Variants in GPC6 observed in about 807,000 individuals in gnomAD.
GPC6 encodes the protein glypican-6.
A neutral mutation model predicts 55.2 loss-of-function variants in GPC6; 14 were observed. That is an observed-to-expected ratio of 0.25 (90% CI 0.17 to 0.40). The LOEUF (loss-of-function observed/expected upper bound fraction) is 0.40, where lower values mean the gene tolerates loss of function less well. GPC6 is among the 10% of genes least tolerant of loss of function. The pLI is 1.00. For synonymous variants in GPC6, 278 were observed against 259.6 expected (o/e 1.07, Z -0.68); for missense variants, 641 against 708.5 (o/e 0.90, Z 1.08).
At chr13:93,517,191 C>G (rs1881237071) in intron 1 of GPC6, among the ~76,000 whole-genome samples, 1 of 152,050 alleles carries the variant, frequency 6.6e-6, no homozygotes, top group Non-Finnish European at 1.5e-5. Context: ...TACCTTGTGT[C>G]TCAGAAACAC....
intron 1 of GPC6, among the ~76,000 whole-genome samples, chr13:93,520,695 A>G (rs1881380143): frequency 6.6e-6 from 1 of 151,978 alleles, no homozygotes; most frequent in East Asian, 1.9e-4. Context: ...TTTATGGAGT[A>G]TAGATAAAGT....
At chr13:94,324,744 C>T (rs1182603297) in intron 6 of GPC6, among the ~76,000 whole-genome samples, 1 of 151,930 alleles carries the variant, frequency 6.6e-6, no homozygotes, top group East Asian at 1.9e-4. Context: ...TATGTCCACC[C>T]ATTGTCCTAT....
intron 7 of GPC6, among the ~76,000 whole-genome samples, chr13:94,384,569 G>A (rs1880318255): frequency 6.6e-6 from 1 of 152,166 alleles, no homozygotes; most frequent in Non-Finnish European, 1.5e-5. Flanking sequence ...AAAGGCCATG[G>A]GCGAAGTTAG....
intron 5 of GPC6, among the ~76,000 whole-genome samples, chr13:94,290,354 G>A (rs1026417411): frequency 4.0e-5 from 6 of 149,664 alleles, no homozygotes; most frequent in Admixed American, 1.3e-4. Flanking sequence ...CAGAGAGGTC[G>A]AGGCTACAGT....
intron 1 of GPC6, among the ~76,000 whole-genome samples, chr13:93,446,487 G>GT (rs142845042): frequency 0.22 from 32,752 of 152,084 alleles, 4,125 homozygotes; most frequent in Middle Eastern, 0.33. Context: ...GCTAGAATAG[G>GT]TTTTTACAGC....
chr13:94,017,590 A>C (rs1882518407), intron 3 of GPC6, among the ~76,000 whole-genome samples: 1 of 152,142 alleles, frequency 6.6e-6, no homozygotes, highest in African/African-American at 2.4e-5. Flanking sequence ...TTTACAATTC[A>C]AGGTGAGATT....
At chr13:93,922,713 G>A (rs773111135) in intron 3 of GPC6, among the ~76,000 whole-genome samples, 45 of 152,116 alleles carry the variant, frequency 3.0e-4, no homozygotes, top group Non-Finnish European at 5.4e-4. Flanking sequence ...TTGTAAAGCT[G>A]TGAATACAGC....
chr13:94,177,617 T>C (rs1340217764), intron 4 of GPC6, among the ~76,000 whole-genome samples: 1 of 152,196 alleles, frequency 6.6e-6, no homozygotes, highest in Non-Finnish European at 1.5e-5. Context: ...GGCATGGTGA[T>C]GCCTGATAAA....
At chr13:93,751,478 TAA>T (rs1884588902) in intron 2 of GPC6, among the ~76,000 whole-genome samples, 1 of 152,046 alleles carries the variant, frequency 6.6e-6, no homozygotes, top group South Asian at 2.1e-4. Context: ...CCTGTGGCTA[TAA>T]GTCCTTTTTA....
intron 1 of GPC6, among the ~76,000 whole-genome samples, chr13:93,276,868 C>A (rs1401877544): frequency 2.0e-5 from 3 of 152,166 alleles, no homozygotes; most frequent in African/African-American, 7.2e-5. Flanking sequence ...CAGCTTACTT[C>A]TTTTCCTGCT....
At chr13:93,878,993 G>A (rs1219635663) in intron 3 of GPC6, among the ~76,000 whole-genome samples, 2 of 152,066 alleles carry the variant, frequency 1.3e-5, no homozygotes, top group Non-Finnish European at 2.9e-5. Flanking sequence ...CAACTGCAGA[G>A]CAGACAAGTG....
chr13:93,845,583 C>T (rs1462217812), intron 3 of GPC6, among the ~76,000 whole-genome samples: 1 of 141,778 alleles, frequency 7.1e-6, no homozygotes, highest in Non-Finnish European at 1.5e-5. Flanking sequence ...GGAACCAACC[C>T]AAATGTCCAA....
intron 1 of GPC6, among the ~76,000 whole-genome samples, chr13:93,521,919 CTAAT>C (rs1163672384): frequency 6.6e-6 from 1 of 151,872 alleles, no homozygotes; most frequent in Non-Finnish European, 1.5e-5. Context: ...TTTTCCTTTT[CTAAT>C]TTGTTAATCT....
intron 1 of GPC6, among the ~76,000 whole-genome samples, chr13:93,253,514 G>T (rs1029394676): frequency 6.6e-6 from 1 of 152,160 alleles, no homozygotes; most frequent in Admixed American, 6.5e-5. Flanking sequence ...TGACTTACAG[G>T]TGATTAATTT....
At chr13:94,178,641 A>G (rs537523677) in intron 4 of GPC6, among the ~76,000 whole-genome samples, 30 of 152,342 alleles carry the variant, frequency 2.0e-4, no homozygotes, top group African/African-American at 7.0e-4. Flanking sequence ...AATGCAAATC[A>G]TTAAAGTAAT....
intron 4 of GPC6, among the ~76,000 whole-genome samples, chr13:94,262,505 T>G (rs1891683511): frequency 6.6e-6 from 1 of 151,956 alleles, no homozygotes; most frequent in East Asian, 1.9e-4. Flanking sequence ...AAACCCCGTC[T>G]CTACTAAAAA....
chr13:93,817,838 A>G (rs547174546), intron 2 of GPC6, among the ~76,000 whole-genome samples: 2 of 150,716 alleles, frequency 1.3e-5, no homozygotes, highest in East Asian at 3.9e-4. Context: ...AGCCTGGGTG[A>G]CAGAGTGAGA....
intron 6 of GPC6, among the ~76,000 whole-genome samples, chr13:94,316,703 C>T (rs1206245844): frequency 7.6e-6 from 1 of 131,824 alleles, no homozygotes; most frequent in Admixed American, 8.0e-5. Flanking sequence ...GGCGACAGAG[C>T]GAGACTCCGT....
intron 1 of GPC6, among the ~76,000 whole-genome samples, chr13:93,311,922 G>A (rs561689716): frequency 2.0e-4 from 30 of 152,238 alleles, no homozygotes; most frequent in East Asian, 1.4e-3. Flanking sequence ...TCAGGCAGAA[G>A]CAATTTTAGC....
Sources: gnomAD v4.1 joint callset for allele counts (sites outside exome capture counted in the v4.1 genomes callset) on GRCh38, gnomAD v4.1.1 for gene constraint, MANE v1.5 for transcripts, NCBI Gene and HGNC (gene_info 2026-07-23, HGNC 2026-07-21) for gene names.